Variants in OXCT1 observed in about 807,000 individuals in gnomAD.
OXCT1 encodes succinyl-CoA:3-ketoacid coenzyme A transferase 1, mitochondrial.
OXCT1 carries 27 observed loss-of-function variants against 69.6 expected under a neutral mutation model. The ratio of observed to expected loss-of-function variants is 0.39; its 90% CI spans 0.29 to 0.54. The LOEUF (loss-of-function observed/expected upper bound fraction) is 0.54, where lower values mean the gene tolerates loss of function less well. Ranked by LOEUF, OXCT1 falls within the 20% of genes least tolerant of loss-of-function variation. The pLI is 0.72. For synonymous variants in OXCT1, 202 were observed against 217.8 expected, an observed-to-expected ratio of 0.93 and a Z score of 0.64; for missense variants, 437 against 650.2, an observed-to-expected ratio of 0.67 and a Z score of 3.57.
chr5:41,805,153 G>A (rs1746613372), intron 9 of OXCT1, among the ~76,000 whole-genome samples: 1 of 152,044 alleles, frequency 6.6e-6, no homozygotes, highest in African/African-American at 2.4e-5. Context: ...TAAAAGGGTT[G>A]TTAAGAAGTT....
At chr5:41,847,633 A>T (rs577723915) in intron 5 of OXCT1, among the ~76,000 whole-genome samples, 1 of 152,114 alleles carries the variant, frequency 6.6e-6, no homozygotes, top group African/African-American at 2.4e-5. Flanking sequence ...AATATACACA[A>T]ATCAATAAAT....
chr5:41,826,461 T>C (rs189959505), intron 7 of OXCT1, among the ~76,000 whole-genome samples: 16 of 152,250 alleles, frequency 1.1e-4, no homozygotes, highest in Admixed American at 6.5e-4. Flanking sequence ...AAGGTGAGCA[T>C]GTAGCATTTT....
In OXCT1 at chr5:41,840,445, T is replaced by C. The variant is rs377701911; in HGVS notation, c.732+6A>G. ...TAACACCAAGAATTCAAAAATAACC[T>C]CTTACCTCTACCACTGTGGTTTCTG... On this transcript the variant is annotated splice_donor_region_variant and intron_variant, in intron 7 of 16. Transcript: ENST00000196371. 3.5e-5 allele frequency: 56 copies of C among 1,605,926 alleles called. No homozygotes were observed. The highest frequency in any genetic ancestry group is 3.6e-5 in the Non-Finnish European group (42 of 1,172,834).
chr5:41,870,215 G>A lies in OXCT1; in HGVS notation c.78+66C>T, dbSNP rs1029457905. ...CGGGTAGGGGCAGAGAAGAAAACGC[G>A]GGCACCACTCAGGGTTTGGTCCACG... On this transcript the variant is annotated intron_variant, in intron 1 of 16. Transcript: ENST00000196371. This position sits in a 1 kb window ranked among gnomAD's most constrained non-coding sequence, Gnocchi z 4.2. 4.0e-6 allele frequency: 5 copies of A among 1,253,034 alleles called. No homozygotes were observed. The South Asian group carries it at 6.1e-5, about 15-fold the overall frequency. 77.6% of individuals were successfully genotyped at this position (1,253,034 alleles called of 1,614,324 possible). A position where few individuals can be genotyped will look rare whatever the true frequency, so the allele number is the denominator to read the frequency against.
At chr5:41,782,378 C>A (rs1331681877) in intron 13 of OXCT1, among the ~76,000 whole-genome samples, 2 of 151,950 alleles carry the variant, frequency 1.3e-5, no homozygotes, top group Admixed American at 6.5e-5. Flanking sequence ...CCATGCCTAG[C>A]AAATTTTTGT....
chr5:41,778,182 T>C (rs781395998), intron 13 of OXCT1, among the ~76,000 whole-genome samples: 4 of 151,598 alleles, frequency 2.6e-5, no homozygotes, highest in African/African-American at 7.3e-5. Context: ...GGTACTTACA[T>C]AGCTAAATTT....
chr5:41,745,054 A>G (rs1215531101), intron 15 of OXCT1, among the ~76,000 whole-genome samples: 1 of 152,152 alleles, frequency 6.6e-6, no homozygotes, highest in African/African-American at 2.4e-5. Flanking sequence ...AGCGGACCTA[A>G]TAGATACTAC....
At chr5:41,836,299 G>T (rs993496023) in intron 7 of OXCT1, among the ~76,000 whole-genome samples, 1 of 152,206 alleles carries the variant, frequency 6.6e-6, no homozygotes, top group Admixed American at 6.5e-5. Context: ...GCGCCCATGT[G>T]CACTATTTTT....
chr5:41,816,937 T>C (rs1747274736), intron 7 of OXCT1, among the ~76,000 whole-genome samples: 1 of 152,200 alleles, frequency 6.6e-6, no homozygotes, highest in Non-Finnish European at 1.5e-5. Flanking sequence ...TCAAACTCTA[T>C]ACTTAATCAT....
chr5:41,768,713 G>A (rs190474984), intron 13 of OXCT1, among the ~76,000 whole-genome samples: 1 of 152,236 alleles, frequency 6.6e-6, no homozygotes, highest in East Asian at 1.9e-4. Context: ...TCTCCCTAAA[G>A]AGTTATAGTA....
intron 11 of OXCT1, among the ~76,000 whole-genome samples, chr5:41,798,094 A>T (rs537041537): frequency 6.6e-6 from 1 of 152,192 alleles, no homozygotes; most frequent in Non-Finnish European, 1.5e-5. Flanking sequence ...ATCAGTAAGG[A>T]GATGGGGATA....
At position 41,746,147 on chromosome 5, in the gene OXCT1, C is replaced by G. The variant is rs181759347; in HGVS notation, c.1419+3380G>C. 5.0e-3 allele frequency among the ~76,000 whole-genome samples: 757 copies of G among 152,262 alleles called. 5 individuals carry two copies. The highest frequency in any genetic ancestry group is 0.017 in the African/African-American group (718 of 41,550). On this transcript the variant is annotated intron_variant, in intron 15 of 16. Coordinates refer to ENST00000196371, the MANE Select transcript of OXCT1 (RefSeq NM_000436.4). Reference sequence around the variant, plus strand: ...CCTGATGAACATCGATGCAAAAAATCCTCAATAAAATACTGGCAAACCGAA... The same window carrying G: ...CCTGATGAACATCGATGCAAAAAATGCTCAATAAAATACTGGCAAACCGAA...
At chr5:41,763,257 C>T (rs1744433764) in intron 13 of OXCT1, among the ~76,000 whole-genome samples, 1 of 151,904 alleles carries the variant, frequency 6.6e-6, no homozygotes, top group African/African-American at 2.4e-5. Context: ...AAGTAGTCAC[C>T]ACATTTTTGT....
intron 15 of OXCT1, among the ~76,000 whole-genome samples, chr5:41,746,633 C>G (rs895988117): frequency 6.6e-6 from 1 of 152,020 alleles, no homozygotes; most frequent in Non-Finnish European, 1.5e-5. Flanking sequence ...TCCAATTATC[C>G]CCATATGTTA....
chr5:41,793,913 A>G (rs1020267230), intron 13 of OXCT1, 90 bp downstream of exon 13: 142 of 800,428 alleles, frequency 1.8e-4, no homozygotes, highest in Non-Finnish European at 2.8e-4. Context: ...TCATTTTTAA[A>G]GAATCGTGAT....
At chr5:41,819,322 C>T (rs1350371263) in intron 7 of OXCT1, among the ~76,000 whole-genome samples, 2 of 146,296 alleles carry the variant, frequency 1.4e-5, no homozygotes, top group Admixed American at 1.4e-4. Flanking sequence ...CACGAACATT[C>T]TAAAACCATT....
rs1417988305 is a variant in OXCT1, at chr5:41,861,294, T to C, written c.278+20A>G. ...ATTGGCATTTCTCTCCAGCCAATTG[T>C]TTTTAAAATGCACACTTACCCTGCA... On this transcript the variant is annotated intron_variant, in intron 3 of 16. Coordinates refer to ENST00000196371, the MANE Select transcript of OXCT1 (RefSeq NM_000436.4). The C allele has an allele frequency of 6.7e-7, 1 of 1,491,196 alleles. No individual in the cohort carries two copies. The highest frequency in any genetic ancestry group is 1.4e-5 in the African/African-American group (1 of 72,540). The allele number at this position is 1,491,196 out of a possible 1,614,324, so 92.4% of individuals were successfully genotyped here.
Position 41,803,175 on chromosome 5 carries a change from A to G in OXCT1, c.956-12T>C, listed in dbSNP as rs768591298. 1.9e-6 allele frequency: 3 copies of G among 1,561,840 alleles called. No homozygotes were observed. Among genetic ancestry groups the G allele is most frequent in the Non-Finnish European group, 2.6e-6 (3 of 1,132,962 alleles). On this transcript the variant is annotated splice_polypyrimidine_tract_variant and intron_variant, in intron 9 of 16. Coordinates refer to ENST00000196371, the MANE Select transcript of OXCT1 (RefSeq NM_000436.4). The stretch of plus-strand genomic sequence containing the variant: ...TATGCCCAAATTAGCTGGAAAAAAA[A>G]GATGTTAAGGTCCAGCATATAAAAG...
chr5:41,854,900 T>G (rs1036914249), intron 3 of OXCT1, among the ~76,000 whole-genome samples: 2 of 152,240 alleles, frequency 1.3e-5, no homozygotes, highest in Non-Finnish European at 2.9e-5. Context: ...TATATCCATA[T>G]GCTATGGGTC....
Sources: gnomAD v4.1 joint callset for allele counts (sites outside exome capture counted in the v4.1 genomes callset) on GRCh38, gnomAD v4.1.1 for gene constraint, Gnocchi (gnomAD v3.1) non-coding constraint, MANE v1.5 for transcripts, NCBI Gene and HGNC (gene_info 2026-07-23, HGNC 2026-07-21) for gene names.